The following ZNF385D variants were observed in gnomAD, a reference collection of about 807,000 sequenced individuals.
The protein encoded by ZNF385D is zinc finger protein 659.
Under a neutral mutation model 35.8 loss-of-function variants are expected in ZNF385D, and 15 were observed. The ratio of observed to expected loss-of-function variants is 0.42; its 90% CI spans 0.28 to 0.64. The LOEUF is 0.64. ZNF385D is among the 30% of genes least tolerant of loss of function. The pLI, the probability that ZNF385D is intolerant of heterozygous loss-of-function variation, is 0.23. For missense variants in ZNF385D, 474 were observed against 494.6 expected (o/e 0.96, Z 0.39); for synonymous variants, 212 against 186.8 (o/e 1.13, Z -1.10).
intron 2 of ZNF385D, among the ~76,000 whole-genome samples, chr3:22,198,179 T>A (rs1463618813): frequency 2.0e-5 from 3 of 152,096 alleles, no homozygotes; most frequent in Non-Finnish European, 4.4e-5. Context: ...AGTGTCAAAA[T>A]AAACAAAGAA....
intron 3 of ZNF385D, among the ~76,000 whole-genome samples, chr3:21,553,648 T>A (rs886613009): frequency 6.6e-6 from 1 of 152,166 alleles, no homozygotes; most frequent in Admixed American, 6.6e-5. Context: ...TAAAATGCTG[T>A]TTGATAGCAT....
intron 2 of ZNF385D, among the ~76,000 whole-genome samples, chr3:22,283,520 T>C (rs1427480860): frequency 6.6e-6 from 1 of 152,148 alleles, no homozygotes; most frequent in African/African-American, 2.4e-5. Context: ...TCATGTCTCT[T>C]TCAGTTAAAG....
chr3:21,795,225 T>A (rs927986750), intron 3 of ZNF385D, among the ~76,000 whole-genome samples: 19 of 152,220 alleles, frequency 1.2e-4, no homozygotes, highest in South Asian at 2.1e-4. Flanking sequence ...GCCATCTAAG[T>A]CTTTTTCATG....
intron 3 of ZNF385D, among the ~76,000 whole-genome samples, chr3:21,964,955 A>T (rs1465690458): frequency 6.6e-6 from 1 of 152,254 alleles, no homozygotes; most frequent in Non-Finnish European, 1.5e-5. Context: ...TATTTAGCAG[A>T]TAAAAATACG....
At chr3:21,944,069 A>G (rs186236864) in intron 3 of ZNF385D, among the ~76,000 whole-genome samples, 1 of 152,276 alleles carries the variant, frequency 6.6e-6, no homozygotes, top group East Asian at 1.9e-4. Flanking sequence ...ATTTATTTAT[A>G]TTTTCAGCTG....
intron 2 of ZNF385D, among the ~76,000 whole-genome samples, chr3:21,592,547 A>AC (rs1355369965): frequency 2.7e-5 from 3 of 109,994 alleles, no homozygotes; most frequent in Non-Finnish European, 5.9e-5. Flanking sequence ...TCATGGCAAA[A>AC]AAAAAAAACC....
At chr3:21,976,441 A>G (rs544673891) in intron 3 of ZNF385D, among the ~76,000 whole-genome samples, 7 of 152,334 alleles carry the variant, frequency 4.6e-5, no homozygotes, top group South Asian at 2.1e-4. Flanking sequence ...AAAAAATACA[A>G]TAACTAAAAT....
chr3:21,437,279 A>G (rs918878321), intron 4 of ZNF385D, 76 bp from the exon 5 acceptor site: 4 of 1,351,062 alleles, frequency 3.0e-6, no homozygotes, highest in African/African-American at 1.5e-5. Context: ...TGTATCATGA[A>G]TATTGCATTC....
Position 21,435,859 on chromosome 3 carries a change from C to G in ZNF385D, c.673+1111G>C, listed in dbSNP as rs13320366. On this transcript the variant is annotated intron_variant, in intron 5 of 7. Coordinates refer to ENST00000281523, the MANE Select transcript of ZNF385D (RefSeq NM_024697.3). ...TCATGAACTCTCTCATTACAACTAA[C>G]GTTATATGCTGGAGGAAGGTGTGTG... is the stretch of plus-strand genomic sequence containing the variant. Among the ~76,000 whole-genome samples, 807 of 152,252 alleles carry G rather than the reference C, an allele frequency of 5.3e-3. 6 individuals carry two copies. Among genetic ancestry groups the G allele is most frequent in the African/African-American group, 0.018 (759 of 41,534 alleles).
chr3:21,597,629 A>G (rs1445741550), intron 2 of ZNF385D, among the ~76,000 whole-genome samples: 1 of 149,734 alleles, frequency 6.7e-6, no homozygotes, highest in Non-Finnish European at 1.5e-5. Context: ...GGCACATACA[A>G]CAGGGCAATT....
rs184253944 is a variant in ZNF385D at position 22,091,507 on chromosome 3, C to T, written c.325+77310G>A. On this transcript the variant is annotated intron_variant, in intron 3 of 5. Coordinates refer to the ZNF385D transcript ENST00000494108. ...GAACACCCTGGTCTGTAGAGATCTT[C>T]GGCAGTGTCCACTGAACACTGTGTT... is the stretch of plus-strand genomic sequence containing the variant. 6.6e-4 allele frequency among the ~76,000 whole-genome samples: 100 copies of T among 152,126 alleles called. 1 individual carries two copies. Among genetic ancestry groups the T allele is most frequent in the African/African-American group, 2.1e-3 (88 of 41,518 alleles).
intron 3 of ZNF385D, among the ~76,000 whole-genome samples, chr3:22,137,645 A>T (rs1269252030): frequency 6.6e-6 from 1 of 152,214 alleles, no homozygotes; most frequent in Admixed American, 6.5e-5. Context: ...GCTCTCAATA[A>T]ATTAGGTATT....
chr3:22,343,768 T>C (rs989978952), intron 2 of ZNF385D, among the ~76,000 whole-genome samples: 1 of 152,242 alleles, frequency 6.6e-6, no homozygotes, highest in African/African-American at 2.4e-5. Context: ...AGACCTACAA[T>C]ATTTTACTAT....
chr3:22,207,235 C>G (rs1308806152), intron 2 of ZNF385D, among the ~76,000 whole-genome samples: 2 of 151,904 alleles, frequency 1.3e-5, no homozygotes, highest in Admixed American at 6.6e-5. Context: ...AATAGACACA[C>G]AGACCAATGG....
chr3:22,372,269 T>G (rs1696945501), intron 2 of ZNF385D, among the ~76,000 whole-genome samples: 1 of 152,102 alleles, frequency 6.6e-6, no homozygotes, highest in Middle Eastern at 3.4e-3. Flanking sequence ...GGACCGATAG[T>G]GCGGGATACC....
intron 2 of ZNF385D, among the ~76,000 whole-genome samples, chr3:21,598,195 T>C (rs186827683): frequency 3.8e-4 from 58 of 152,300 alleles, no homozygotes; most frequent in African/African-American, 1.1e-3. Flanking sequence ...AAAGACGGTA[T>C]CTATAAAGAT....
chr3:21,526,514 AGAG>A (rs1024208903), intron 3 of ZNF385D, among the ~76,000 whole-genome samples: 1 of 152,198 alleles, frequency 6.6e-6, no homozygotes, highest in African/African-American at 2.4e-5. Context: ...TGGTGCAAGA[AGAG>A]GAGATGTAGA....
intron 2 of ZNF385D, among the ~76,000 whole-genome samples, chr3:22,371,085 C>T (rs1696882451): frequency 6.6e-6 from 1 of 152,090 alleles, no homozygotes; most frequent in East Asian, 1.9e-4. Context: ...TGCAGCAAAG[C>T]CCGGACATGC....
intron 3 of ZNF385D, among the ~76,000 whole-genome samples, chr3:22,036,457 G>T (rs755504138): frequency 1.3e-5 from 2 of 151,856 alleles, no homozygotes; most frequent in Non-Finnish European, 2.9e-5. Flanking sequence ...CTGACCTATC[G>T]AGAAATTCAC....
Sources: allele counts gnomAD v4.1 joint callset (sites outside exome capture counted in the v4.1 genomes callset), GRCh38; gene constraint gnomAD v4.1.1; transcripts MANE v1.5; gene names NCBI Gene and HGNC (gene_info 2026-07-23, HGNC 2026-07-21).